Variants in LRRC7 observed in about 807,000 individuals in gnomAD.
The protein encoded by LRRC7 is leucine rich repeat containing 7, also known as leucine-rich repeat-containing protein 7.
In LRRC7, 23 loss-of-function variants were observed where a neutral mutation model predicts 175.7. That is an observed-to-expected ratio of 0.13 (90% CI 0.09 to 0.19). The LOEUF (loss-of-function observed/expected upper bound fraction) is 0.19. Among genes scored for constraint, LRRC7 ranks in the 10% least tolerant of loss-of-function variants. The pLI is 1.00. For missense variants in LRRC7, 1,354 were observed against 1,904.7 expected, an observed-to-expected ratio of 0.71 and a Z score of 5.38; for synonymous variants, 685 against 680.9, an observed-to-expected ratio of 1.01 and a Z score of -0.09.
At position 70,021,097 on chromosome 1, in the gene LRRC7, AAAG is replaced by A. The variant is rs1450766734; in HGVS notation, c.1518_1520del (p.Glu506del). 4 of 1,612,444 alleles carry A rather than the reference AAAG, an allele frequency of 2.5e-6. No homozygotes were observed. The African/African-American group carries it at 4.0e-5, about 16-fold the overall frequency. On this transcript the variant is annotated inframe_deletion, in exon 16 of 27. Coordinates refer to ENST00000651989, the MANE Select transcript of LRRC7 (RefSeq NM_001370785.2). ...TGTTGCCTTTGAATTTGAAGACAAAAAAGAAGATGACGAAAATGCTGGGAAAGT... is the reference window on the plus strand; with the variant it reads ...TGTTGCCTTTGAATTTGAAGACAAAAAAGATGACGAAAATGCTGGGAAAGT...
intron 2 of LRRC7, among the ~76,000 whole-genome samples, chr1:69,734,129 GT>G (rs1490905567): frequency 1.9e-5 from 1 of 51,570 alleles, no homozygotes; most frequent in African/African-American, 4.6e-5. Flanking sequence ...TTTTATATTA[GT>G]TTGTTTATCT....
At chr1:70,120,074 A>C (rs1004403356) in intron 26 of LRRC7, among the ~76,000 whole-genome samples, 3 of 152,218 alleles carry the variant, frequency 2.0e-5, no homozygotes, top group Non-Finnish European at 4.4e-5. Context: ...ACAGGTTAAG[A>C]GTAGAAAAAA....
chr1:69,611,160 C>T (rs1648662993), intron 1 of LRRC7, among the ~76,000 whole-genome samples: 1 of 151,898 alleles, frequency 6.6e-6, no homozygotes, highest in Non-Finnish European at 1.5e-5. Context: ...TATAATTTAT[C>T]AAAAGCTAAG....
At chr1:69,769,178 C>T (rs1374728981) in intron 3 of LRRC7, among the ~76,000 whole-genome samples, 1 of 152,182 alleles carries the variant, frequency 6.6e-6, no homozygotes, top group Non-Finnish European at 1.5e-5. Context: ...AACACAAGTT[C>T]TGCCACTAAT....
intron 4 of LRRC7, 137 bp from the exon 5 acceptor site, chr1:69,825,611 T>C: frequency 2.5e-6 from 1 of 406,974 alleles, no homozygotes; most frequent in Non-Finnish European, 4.4e-6. Context: ...TTTTTATTTC[T>C]ACTTAAATGC....
intron 22 of LRRC7, 138 bp downstream of exon 22, chr1:70,044,232 T>C (rs1327431175): frequency 4.1e-6 from 3 of 735,586 alleles, no homozygotes; most frequent in Non-Finnish European, 6.3e-6. Flanking sequence ...GGGCAAGTAA[T>C]GTAGAGCCTG....
intron 7 of LRRC7, among the ~76,000 whole-genome samples, chr1:69,921,641 T>G (rs370569795): frequency 6.6e-6 from 1 of 152,180 alleles, no homozygotes; most frequent in Admixed American, 6.5e-5. Context: ...CCCAATTATA[T>G]CCCACATGAA....
intron 1 of LRRC7, among the ~76,000 whole-genome samples, chr1:69,606,452 C>T (rs1282135342): frequency 1.3e-5 from 2 of 152,038 alleles, no homozygotes; most frequent in Non-Finnish European, 2.9e-5. Context: ...AAAAATCATT[C>T]ACTCTCCTAT....
chr1:69,989,938 T>C (rs1263554331), intron 10 of LRRC7, among the ~76,000 whole-genome samples: 1 of 152,118 alleles, frequency 6.6e-6, no homozygotes, highest in Non-Finnish European at 1.5e-5. Flanking sequence ...TTCATTGTCA[T>C]CAGTGACAAT....
At chr1:69,764,972 A>C (rs1011942064) in intron 3 of LRRC7, among the ~76,000 whole-genome samples, 1 of 152,022 alleles carries the variant, frequency 6.6e-6, no homozygotes, top group Admixed American at 6.6e-5. Flanking sequence ...TTCGACAAAA[A>C]ATATTGTGGC....
intron 24 of LRRC7, among the ~76,000 whole-genome samples, chr1:70,080,422 C>T (rs565457049): frequency 6.6e-6 from 1 of 152,244 alleles, no homozygotes; most frequent in African/African-American, 2.4e-5. Flanking sequence ...ATTTAGTAAG[C>T]TTTGAGGCTC....
intron 7 of LRRC7, among the ~76,000 whole-genome samples, chr1:69,903,408 A>G (rs1646195049): frequency 1.3e-5 from 2 of 152,208 alleles, no homozygotes; most frequent in Admixed American, 6.5e-5. Flanking sequence ...AAGGGAAGCC[A>G]TGAAGGACTG....
chr1:69,785,359 T>A (rs1674283159), intron 3 of LRRC7, among the ~76,000 whole-genome samples: 1 of 152,156 alleles, frequency 6.6e-6, no homozygotes, highest in Non-Finnish European at 1.5e-5. Context: ...TAGTTAATTT[T>A]GACAGTTTTA....
rs140230372 is a variant in LRRC7 at position 69,741,679 on chromosome 1, A to G, written c.101-18512A>G. 3.9e-5 allele frequency among the ~76,000 whole-genome samples: 6 copies of G among 152,128 alleles called. No individual in the cohort carries two copies. The East Asian group carries it at 1.2e-3, about 29-fold the overall frequency. ...AAAGTATTCAGAATAGGGGCAAGCTAAAGAAGACTTACGAACCATGACTAG... is the reference window on the plus strand; with the variant it reads ...AAAGTATTCAGAATAGGGGCAAGCTGAAGAAGACTTACGAACCATGACTAG... On this transcript the variant is annotated intron_variant, in intron 2 of 26. Coordinates refer to ENST00000651989, the MANE Select transcript of LRRC7 (RefSeq NM_001370785.2).
intron 26 of LRRC7, among the ~76,000 whole-genome samples, chr1:70,115,623 T>G (rs998929387): frequency 6.6e-6 from 1 of 152,208 alleles, no homozygotes; most frequent in African/African-American, 2.4e-5. Flanking sequence ...TACAAAGTAT[T>G]GTGCCAAGCA....
At chr1:69,927,878 G>A (rs1459902542) in intron 7 of LRRC7, among the ~76,000 whole-genome samples, 1 of 152,186 alleles carries the variant, frequency 6.6e-6, no homozygotes, top group Non-Finnish European at 1.5e-5. Context: ...GAGGAGGAGA[G>A]GCGCTCTGCT....
intron 2 of LRRC7, among the ~76,000 whole-genome samples, chr1:69,737,429 A>G (rs1668244086): frequency 6.6e-6 from 1 of 152,096 alleles, no homozygotes; most frequent in Non-Finnish European, 1.5e-5. Context: ...CTAGCCATGT[A>G]GATGTGCGAG....
intron 3 of LRRC7, among the ~76,000 whole-genome samples, chr1:69,781,786 AAAGGAAGGAAGGAAGGAAGGAAGG>A (rs771907811): frequency 2.8e-4 from 8 of 28,254 alleles, no homozygotes; most frequent in South Asian, 1.3e-3. Context: ...AGAAAGAAAG[AAAGGAAGGAAGGAAGGAAGGAAGG>A]AAGGAAGGAA....
At chr1:69,831,595 C>T (rs1020133655) in intron 5 of LRRC7, among the ~76,000 whole-genome samples, 1 of 152,010 alleles carries the variant, frequency 6.6e-6, no homozygotes, top group Non-Finnish European at 1.5e-5. Context: ...TGTTTTCTTA[C>T]CTCTACATTA....
Sources: gnomAD v4.1 joint callset for allele counts (sites outside exome capture counted in the v4.1 genomes callset) on GRCh38, gnomAD v4.1.1 for gene constraint, MANE v1.5 for transcripts, NCBI Gene and HGNC (gene_info 2026-07-23, HGNC 2026-07-21) for gene names.